Variants in PTPRT observed in about 807,000 individuals in gnomAD.
PTPRT encodes protein tyrosine phosphatase receptor type T.
A neutral mutation model predicts 176.8 loss-of-function variants in PTPRT; 56 were observed. The observed-to-expected ratio is 0.32, with a 90% CI of 0.26 to 0.40. The LOEUF (loss-of-function observed/expected upper bound fraction) is 0.40. PTPRT is among the 10% of genes least tolerant of loss of function. The probability of loss-of-function intolerance (pLI) is 1.00; values close to 1 mark genes in which losing one functional copy is unlikely to be tolerated. For missense variants in PTPRT, 1,540 were observed against 1,908.2 expected (o/e 0.81, Z 3.60); for synonymous variants, 783 against 739.0 (o/e 1.06, Z -0.96).
At chr20:42,036,720 C>T in the PTPRT span, among the ~76,000 whole-genome samples, 8 of 152,270 alleles carry the variant, frequency 5.3e-5, no homozygotes, top group African/African-American at 1.9e-4. Flanking sequence ...GTCCAAGTGG[C>T]TGGTTCAGCC....
chr20:42,831,854 T>G (rs2078094665), intron 2 of PTPRT, among the ~76,000 whole-genome samples: 1 of 152,162 alleles, frequency 6.6e-6, no homozygotes, highest in Non-Finnish European at 1.5e-5. Context: ...TAAGAATGGC[T>G]ATTATTAAAA....
intron 2 of PTPRT, among the ~76,000 whole-genome samples, chr20:42,882,842 A>G (rs2079029647): frequency 1.3e-5 from 2 of 152,260 alleles, no homozygotes; most frequent in African/African-American, 2.4e-5. Context: ...AACGGGAACC[A>G]TTACAAAGAA....
At chr20:42,119,910 C>A (rs1177087816) in intron 20 of PTPRT, 25 bp downstream of exon 20, 2 of 1,601,234 alleles carry the variant, frequency 1.2e-6, no homozygotes, top group African/African-American at 1.3e-5. Flanking sequence ...CTCTCTGAGG[C>A]ACTAGGTGGA....
At chr20:42,847,222 G>C (rs2078389048) in intron 2 of PTPRT, among the ~76,000 whole-genome samples, 1 of 152,178 alleles carries the variant, frequency 6.6e-6, no homozygotes, top group Admixed American at 6.5e-5. Flanking sequence ...AGGGATTAGG[G>C]GAGGAAGTCG....
chr20:43,099,871 C>A (rs1310920047), intron 1 of PTPRT, among the ~76,000 whole-genome samples: 1 of 152,116 alleles, frequency 6.6e-6, no homozygotes, highest in Admixed American at 6.6e-5. Flanking sequence ...CTTGGGACTT[C>A]TCTTCTATTA....
rs548792573 is a variant in PTPRT, at chr20:43,092,424, T to C, written c.88+97222A>G. 9.6e-4 allele frequency among the ~76,000 whole-genome samples: 147 copies of C among 152,350 alleles called. 1 individual carries two copies. The highest frequency in any genetic ancestry group is 1.2e-3 in the Non-Finnish European group (83 of 68,028). On this transcript the variant is annotated intron_variant, in intron 1 of 30. Coordinates refer to ENST00000373187, the MANE Select transcript of PTPRT (RefSeq NM_007050.6). ...GTCCCAGGATATAAAGTGAGAAATA[T>C]GCATTGTAGTATTTAGAACTGTATT...
intron 1 of PTPRT, among the ~76,000 whole-genome samples, chr20:42,984,461 A>T (rs1262848077): frequency 6.6e-6 from 1 of 152,248 alleles, no homozygotes; most frequent in Non-Finnish European, 1.5e-5. Context: ...AATAAAGATA[A>T]GAGCTTTCTC....
At chr20:42,339,347 G>A (rs1312236546) in intron 11 of PTPRT, among the ~76,000 whole-genome samples, 4 of 152,188 alleles carry the variant, frequency 2.6e-5, no homozygotes, top group African/African-American at 9.7e-5. Flanking sequence ...CACGTGGACA[G>A]GGATAGAGAA....
intron 1 of PTPRT, among the ~76,000 whole-genome samples, chr20:42,973,212 A>G (rs115877852): frequency 6.6e-6 from 1 of 152,182 alleles, no homozygotes; most frequent in African/African-American, 2.4e-5. Context: ...TACCACCTAG[A>G]TTTGTGGTTT....
At chr20:42,088,188 G>C (rs776605805) in intron 27 of PTPRT, among the ~76,000 whole-genome samples, 1 of 152,166 alleles carries the variant, frequency 6.6e-6, no homozygotes, top group Non-Finnish European at 1.5e-5. Context: ...CCCTTCATCT[G>C]GGGGTTACCC....
intron 7 of PTPRT, among the ~76,000 whole-genome samples, chr20:42,527,730 GA>G (rs1458963006): frequency 2.0e-5 from 3 of 152,170 alleles, no homozygotes; most frequent in African/African-American, 7.2e-5. Flanking sequence ...GGCTGTCCCT[GA>G]AAATGTCATT....
At chr20:42,515,070 A>T (rs2072035608) in intron 7 of PTPRT, among the ~76,000 whole-genome samples, 1 of 152,222 alleles carries the variant, frequency 6.6e-6, no homozygotes, top group Admixed American at 6.5e-5. Context: ...TCGGATCTAT[A>T]GATTAGCTTG....
At chr20:42,810,387 G>C (rs1386060020) in intron 2 of PTPRT, among the ~76,000 whole-genome samples, 1 of 152,140 alleles carries the variant, frequency 6.6e-6, no homozygotes, top group African/African-American at 2.4e-5. Context: ...GACAGAACAA[G>C]TCAAAGCCCC....
chr20:42,241,704 T>C (rs1311701614), intron 14 of PTPRT, among the ~76,000 whole-genome samples: 1 of 151,996 alleles, frequency 6.6e-6, no homozygotes, highest in Admixed American at 6.6e-5. Flanking sequence ...GTTCTCAGCT[T>C]AAGTGGCTGT....
chr20:42,441,754 G>C (rs972885623), intron 9 of PTPRT, among the ~76,000 whole-genome samples: 12 of 152,186 alleles, frequency 7.9e-5, no homozygotes, highest in Admixed American at 2.0e-4. Context: ...CTGTGTGGCT[G>C]CTGGGGGCAA....
chr20:42,088,346 A>G (rs1271033131), intron 27 of PTPRT, among the ~76,000 whole-genome samples: 1 of 152,202 alleles, frequency 6.6e-6, no homozygotes, highest in Non-Finnish European at 1.5e-5. Context: ...CCCACCCCCT[A>G]CAGATGCAGG....
intron 2 of PTPRT, among the ~76,000 whole-genome samples, chr20:42,883,441 C>A (rs967463913): frequency 5.3e-5 from 8 of 151,834 alleles, no homozygotes; most frequent in African/African-American, 1.9e-4. Context: ...TGAATCAGTA[C>A]CAGTAGGGTG....
chr20:43,157,669 CA>C (rs1291821780), intron 1 of PTPRT, among the ~76,000 whole-genome samples: 1 of 152,136 alleles, frequency 6.6e-6, no homozygotes, highest in Non-Finnish European at 1.5e-5. Context: ...CTTTGTATCT[CA>C]AAAGTGTCCT....
At chr20:42,557,293 A>G (rs1261234917) in intron 7 of PTPRT, among the ~76,000 whole-genome samples, 4 of 152,108 alleles carry the variant, frequency 2.6e-5, no homozygotes, top group Non-Finnish European at 1.5e-5. Flanking sequence ...TGCTCCGTGA[A>G]TACCTCCAAA....
Sources: gnomAD v4.1 joint callset for allele counts (sites outside exome capture counted in the v4.1 genomes callset) on GRCh38, gnomAD v4.1.1 for gene constraint, MANE v1.5 for transcripts, NCBI Gene and HGNC (gene_info 2026-07-23, HGNC 2026-07-21) for gene names.